PBX3: variants seen among roughly 807,000 people sequenced by gnomAD.
PBX3 encodes pre-B-cell leukemia transcription factor 3.
Under a neutral mutation model 48.5 loss-of-function variants are expected in PBX3, and 14 were observed. The ratio of observed to expected loss-of-function variants is 0.29; its 90% CI spans 0.19 to 0.45. The LOEUF (loss-of-function observed/expected upper bound fraction) is 0.45. Ranked by LOEUF, PBX3 falls within the 20% of genes least tolerant of loss-of-function variation. The pLI, the probability that PBX3 is intolerant of heterozygous loss-of-function variation, is 1.00. For synonymous variants in PBX3, 210 were observed against 200.3 expected (o/e 1.05, Z -0.41); for missense variants, 386 against 546.7 (o/e 0.71, Z 2.93).
chr9:125,842,577 A>G (rs1016991716), intron 2 of PBX3, among the ~76,000 whole-genome samples: 3 of 152,168 alleles, frequency 2.0e-5, no homozygotes, highest in Non-Finnish European at 4.4e-5. Context: ...GGCATTCATT[A>G]GTAGGAGAGG....
chr9:125,872,375 A>G (rs1840145612), intron 2 of PBX3, among the ~76,000 whole-genome samples: 1 of 152,212 alleles, frequency 6.6e-6, no homozygotes, highest in Non-Finnish European at 1.5e-5. Flanking sequence ...TATTTACAAG[A>G]GACATCCCTT....
intron 3 of PBX3, among the ~76,000 whole-genome samples, chr9:125,926,130 T>C (rs949031491): frequency 6.6e-6 from 1 of 152,254 alleles, no homozygotes; most frequent in Non-Finnish European, 1.5e-5. Context: ...GGAAATTATA[T>C]AAACATCTCC....
chr9:125,883,008 A>ATCTTC (rs1840416977), intron 2 of PBX3, among the ~76,000 whole-genome samples: 11 of 152,238 alleles, frequency 7.2e-5, no homozygotes, highest in African/African-American at 1.7e-4. Flanking sequence ...ACAAAATGAA[A>ATCTTC]ATGTTTCATA....
chr9:125,824,103 G>C (rs1290222553), intron 2 of PBX3, among the ~76,000 whole-genome samples: 1 of 151,690 alleles, frequency 6.6e-6, no homozygotes, highest in African/African-American at 2.4e-5. Context: ...GTAGGCTAAA[G>C]GGTTAAAGGA....
At chr9:125,916,005 G>T (rs1841324022) in intron 3 of PBX3, 78 bp downstream of exon 3, 4 of 1,546,908 alleles carry the variant, frequency 2.6e-6, no homozygotes, top group Non-Finnish European at 3.5e-6. Context: ...CAATTCTGAG[G>T]GCTGTGAGGG....
intron 2 of PBX3, among the ~76,000 whole-genome samples, chr9:125,807,803 C>T (rs1478763206): frequency 6.6e-6 from 1 of 152,140 alleles, no homozygotes; most frequent in African/African-American, 2.4e-5. Flanking sequence ...ACTTTGGTTT[C>T]CCATGCACCT....
At chr9:125,858,772 C>G (rs1204309605) in intron 2 of PBX3, among the ~76,000 whole-genome samples, 1 of 151,942 alleles carries the variant, frequency 6.6e-6, no homozygotes, top group African/African-American at 2.4e-5. Flanking sequence ...ATTACAGGCA[C>G]CTGCCACCAT....
chr9:125,873,836 G>C (rs915998366), intron 2 of PBX3, among the ~76,000 whole-genome samples: 5 of 152,034 alleles, frequency 3.3e-5, no homozygotes, highest in African/African-American at 1.2e-4. Flanking sequence ...ATAAAAACTT[G>C]AAGATGAGTT....
intron 2 of PBX3, among the ~76,000 whole-genome samples, chr9:125,802,199 G>GT (rs1837972969): frequency 6.6e-6 from 1 of 151,956 alleles, no homozygotes; most frequent in Admixed American, 6.6e-5. Flanking sequence ...GAGGTTTGGG[G>GT]TTGATCTTGT....
chr9:125,767,760 A>G (rs1836836847), intron 2 of PBX3, among the ~76,000 whole-genome samples: 1 of 152,118 alleles, frequency 6.6e-6, no homozygotes, highest in Admixed American at 6.6e-5. Flanking sequence ...ACTGCAATCC[A>G]CTTTCTTCTG....
At chr9:125,793,864 A>T (rs1436968832) in intron 2 of PBX3, among the ~76,000 whole-genome samples, 1 of 152,120 alleles carries the variant, frequency 6.6e-6, no homozygotes, top group Non-Finnish European at 1.5e-5. Flanking sequence ...AATATATATA[A>T]AATAAAGCTA....
At chr9:125,862,890 T>C (rs1434719240) in intron 2 of PBX3, among the ~76,000 whole-genome samples, 3 of 152,110 alleles carry the variant, frequency 2.0e-5, no homozygotes, top group Non-Finnish European at 4.4e-5. Flanking sequence ...GAGTGATGTA[T>C]GATTTTTATT....
intron 2 of PBX3, among the ~76,000 whole-genome samples, chr9:125,884,469 T>A (rs1040728669): frequency 2.0e-5 from 3 of 152,204 alleles, no homozygotes; most frequent in African/African-American, 7.2e-5. Context: ...GGTTTGCAAT[T>A]ATGAAGCAGA....
intron 2 of PBX3, among the ~76,000 whole-genome samples, chr9:125,804,947 TAA>T (rs547253775): frequency 1.2e-3 from 62 of 53,464 alleles, no homozygotes; most frequent in African/African-American, 1.5e-3. Context: ...GGCTCTGTCT[TAA>T]AAAAAAAAAA....
intron 2 of PBX3, among the ~76,000 whole-genome samples, chr9:125,752,850 C>T (rs1836413797): frequency 6.6e-6 from 1 of 152,128 alleles, no homozygotes. Flanking sequence ...ATATAATTAT[C>T]ATCTTTTGTT....
intron 2 of PBX3, among the ~76,000 whole-genome samples, chr9:125,852,225 C>T (rs117513441): frequency 1.3e-3 from 203 of 152,208 alleles, no homozygotes; most frequent in Non-Finnish European, 2.2e-3. Context: ...CTGTTTACTG[C>T]CTTGGCAAAG....
chr9:125,911,330 C>T (rs560686895), intron 2 of PBX3, among the ~76,000 whole-genome samples: 64 of 152,176 alleles, frequency 4.2e-4, no homozygotes, highest in African/African-American at 1.5e-3. Context: ...CTTAATCTTT[C>T]TTCTTCATCT....
intron 2 of PBX3, among the ~76,000 whole-genome samples, chr9:125,824,839 T>C (rs538625153): frequency 2.0e-5 from 3 of 152,204 alleles, no homozygotes; most frequent in Admixed American, 6.5e-5. Context: ...ATAGCTACCA[T>C]TGACTGAACG....
chr9:125,767,413 C>T (rs1205640554), intron 2 of PBX3, among the ~76,000 whole-genome samples: 1 of 152,146 alleles, frequency 6.6e-6, no homozygotes, highest in Non-Finnish European at 1.5e-5. Flanking sequence ...CTTAAAAAGT[C>T]ATGTAATTCA....
Sources: gnomAD v4.1 joint callset for allele counts (sites outside exome capture counted in the v4.1 genomes callset) on GRCh38, gnomAD v4.1.1 for gene constraint, MANE v1.5 for transcripts, NCBI Gene and HGNC (gene_info 2026-07-23, HGNC 2026-07-21) for gene names.